CCDC3: variants seen among roughly 807,000 people sequenced by gnomAD.
The protein encoded by CCDC3 is coiled-coil domain containing 3, also known as coiled-coil domain-containing protein 3.
Under a neutral mutation model 21.4 loss-of-function variants are expected in CCDC3, and 24 were observed. The ratio of observed to expected loss-of-function variants is 1.12; its 90% CI spans 0.81 to 1.58. The LOEUF is 1.58. CCDC3 is among the 40% of genes most tolerant of loss of function. The probability of loss-of-function intolerance (pLI) is 0.00; values close to 1 mark genes in which losing one functional copy is unlikely to be tolerated. For missense variants in CCDC3, 425 were observed against 360.9 expected (o/e 1.18, Z -1.44); for synonymous variants, 186 against 166.0 (o/e 1.12, Z -0.93).
At chr10:13,068,155 C>G (rs1334495960) in intron 4 of CCDC3, among the ~76,000 whole-genome samples, 2 of 152,092 alleles carry the variant, frequency 1.3e-5, no homozygotes, top group Non-Finnish European at 2.9e-5. Context: ...GCAGATATAT[C>G]CCTCTCAAAA....
chr10:13,096,489 C>G (rs1832630396), intron 3 of CCDC3, among the ~76,000 whole-genome samples: 1 of 152,134 alleles, frequency 6.6e-6, no homozygotes, highest in African/African-American at 2.4e-5. Flanking sequence ...TTTCTTTAAA[C>G]CCAGTTCTGC....
chr10:12,913,480 G>C (rs12218797), intron 2 of CCDC3, among the ~76,000 whole-genome samples: 32,483 of 152,148 alleles, frequency 0.21, 4,008 homozygotes, highest in African/African-American at 0.33. Context: ...ATAGTTTTGG[G>C]TGGACTCTTT....
chr10:12,906,732 C>T (rs557684683), intron 2 of CCDC3, among the ~76,000 whole-genome samples: 1 of 152,230 alleles, frequency 6.6e-6, no homozygotes, highest in East Asian at 1.9e-4. Context: ...AAAGCCTCTT[C>T]CCTAGAACTG....
chr10:12,955,659 C>T (rs374446207), intron 2 of CCDC3, among the ~76,000 whole-genome samples: 11 of 152,122 alleles, frequency 7.2e-5, no homozygotes, highest in East Asian at 5.8e-4. Context: ...CTCAGGTGAT[C>T]CTCCCACCTC....
intron 5 of CCDC3, among the ~76,000 whole-genome samples, chr10:13,025,998 T>C (rs1006095791): frequency 8.5e-5 from 13 of 152,070 alleles, no homozygotes; most frequent in Admixed American, 5.9e-4. Context: ...CTGGCCAACA[T>C]AGCAAAACTC....
intron 2 of CCDC3, among the ~76,000 whole-genome samples, chr10:12,986,766 C>CAA (rs1835601949): frequency 7.4e-6 from 1 of 135,748 alleles, no homozygotes; most frequent in Non-Finnish European, 1.6e-5. Context: ...GAGCGAGACT[C>CAA]CGTCTCAAAA....
intron 4 of CCDC3, among the ~76,000 whole-genome samples, chr10:13,066,128 C>T (rs1199002431): frequency 6.6e-6 from 1 of 151,986 alleles, no homozygotes; most frequent in Non-Finnish European, 1.5e-5. Flanking sequence ...TGGAGTTGAG[C>T]CTAGGAATTT....
intron 5 of CCDC3, among the ~76,000 whole-genome samples, chr10:13,013,246 C>T (rs1836005111): frequency 1.3e-5 from 2 of 152,102 alleles, no homozygotes; most frequent in Admixed American, 6.6e-5. Context: ...TTAAAAAGAA[C>T]CAGGACTCTG....
rs77965841 is a variant in CCDC3 at position 12,910,589 on chromosome 10, C to CA, written c.550-11911dup. Among the ~76,000 whole-genome samples the CA allele has an allele frequency of 1.7e-3, 192 of 112,198 alleles. 3 individuals carry two copies. The East Asian group carries it at 0.034, about 20-fold the overall frequency. The allele number at this position is 112,198 out of a possible 152,430, so 73.6% of individuals were successfully genotyped here. On this transcript the variant is annotated intron_variant, in intron 2 of 2. Transcript: ENST00000378825. ...AAACTTGCAAGTTTCAATAACTAGT[C>CA]AGAGCAAAAAAAAAAAAAAAAATTT...
At chr10:12,989,460 C>T (rs561348989) in intron 2 of CCDC3, among the ~76,000 whole-genome samples, 17 of 152,298 alleles carry the variant, frequency 1.1e-4, no homozygotes, top group African/African-American at 3.8e-4. Flanking sequence ...CTCTCTCTGT[C>T]GCCCAAGCTG....
intron 2 of CCDC3, among the ~76,000 whole-genome samples, chr10:12,974,329 G>A (rs1006816536): frequency 2.0e-5 from 3 of 152,206 alleles, no homozygotes; most frequent in East Asian, 1.9e-4. Context: ...GCATAGGCAC[G>A]GGGCAGCCTG....
chr10:12,915,804 G>T (rs1335672527), intron 2 of CCDC3, among the ~76,000 whole-genome samples: 1 of 152,182 alleles, frequency 6.6e-6, no homozygotes, highest in East Asian at 1.9e-4. Context: ...AAGGTATTGT[G>T]GTGGACCTTG....
At chr10:12,911,204 C>CG (rs1564280066) in intron 2 of CCDC3, among the ~76,000 whole-genome samples, 1 of 60,362 alleles carries the variant, frequency 1.7e-5, no homozygotes, top group Non-Finnish European at 3.1e-5. Flanking sequence ...TGTTGCATCA[C>CG]CTGCTTCTCT....
intron 4 of CCDC3, among the ~76,000 whole-genome samples, chr10:13,073,074 C>A (rs1198848767): frequency 6.6e-6 from 1 of 152,048 alleles, no homozygotes; most frequent in African/African-American, 2.4e-5. Context: ...CCATGTTGGT[C>A]AGGCTGGTCT....
chr10:13,090,790 T>C (rs1832558003), intron 3 of CCDC3, among the ~76,000 whole-genome samples: 1 of 152,154 alleles, frequency 6.6e-6, no homozygotes, highest in South Asian at 2.1e-4. Context: ...GATGCATATA[T>C]TGAAGGGAGT....
chr10:13,089,253 C>T (rs559368392), intron 3 of CCDC3, among the ~76,000 whole-genome samples: 1 of 152,156 alleles, frequency 6.6e-6, no homozygotes, highest in South Asian at 2.1e-4. Context: ...TAAATGAACA[C>T]TTATGAATAT....
intron 2 of CCDC3, among the ~76,000 whole-genome samples, chr10:12,957,452 A>T (rs1470488943): frequency 6.6e-6 from 1 of 152,218 alleles, no homozygotes; most frequent in African/African-American, 2.4e-5. Flanking sequence ...TTCTGATTTA[A>T]AACAAAATGA....
intron 4 of CCDC3, among the ~76,000 whole-genome samples, chr10:13,070,440 C>T (rs1836868657): frequency 6.6e-6 from 1 of 152,218 alleles, no homozygotes; most frequent in Admixed American, 6.5e-5. Flanking sequence ...GAAAGGTATG[C>T]TTCCCTTTAA....
chr10:12,925,730 G>A (rs1355049090), intron 2 of CCDC3, among the ~76,000 whole-genome samples: 2 of 152,116 alleles, frequency 1.3e-5, no homozygotes, highest in African/African-American at 2.4e-5. Flanking sequence ...TAAGTCCTCC[G>A]TCCCCATGTA....
Sources: allele counts gnomAD v4.1 joint callset (sites outside exome capture counted in the v4.1 genomes callset), GRCh38; gene constraint gnomAD v4.1.1; transcripts MANE v1.5; gene names NCBI Gene and HGNC (gene_info 2026-07-23, HGNC 2026-07-21).